The following NUFIP1 variants were observed in gnomAD, a reference collection of about 807,000 sequenced individuals.
NUFIP1 encodes nuclear FMR1 interacting protein 1, also known as FMR1-interacting protein NUFIP1.
A neutral mutation model predicts 56.2 loss-of-function variants in NUFIP1; 38 were observed. That is an observed-to-expected ratio of 0.68 (90% CI 0.52 to 0.89). The LOEUF (loss-of-function observed/expected upper bound fraction) is 0.89, where lower values mean the gene tolerates loss of function less well. Among genes scored for constraint, NUFIP1 ranks in the 40% least tolerant of loss-of-function variants. The pLI is 0.00. For synonymous variants in NUFIP1, 215 were observed against 212.4 expected (o/e 1.01, Z -0.10); for missense variants, 567 against 605.8 (o/e 0.94, Z 0.67).
chr13:44,971,122 T>C (rs1200528928), intron 5 of NUFIP1, among the ~76,000 whole-genome samples: 1 of 152,166 alleles, frequency 6.6e-6, no homozygotes, highest in Non-Finnish European at 1.5e-5. Flanking sequence ...CTCTTCAGAA[T>C]ATATTAAAGA....
At chr13:44,977,057 A>G (rs561820526) in intron 5 of NUFIP1, among the ~76,000 whole-genome samples, 1 of 145,948 alleles carries the variant, frequency 6.9e-6, no homozygotes, top group South Asian at 2.3e-4. Flanking sequence ...GACACATTTA[A>G]ACCACAGCAT....
Position 44,940,839 on chromosome 13 carries a change from T to C in NUFIP1, c.*367A>G, listed in dbSNP as rs1238943597. 1 of 157,160 alleles carries C rather than the reference T, an allele frequency of 6.4e-6. No homozygotes were observed. The highest frequency in any genetic ancestry group is 2.4e-5 in the African/African-American group (1 of 41,694). The allele number at this position is 157,160 out of a possible 1,614,324, so 9.7% of individuals were successfully genotyped here. A position where few individuals can be genotyped will look rare whatever the true frequency, so the allele number is the denominator to read the frequency against. ...AATGGCTGTATTTCTCTGCCCAACT[T>C]TGCTTAGCTGAATCAATCCTTTTAA... is the stretch of plus-strand genomic sequence containing the variant. On this transcript the variant is annotated 3_prime_UTR_variant, in exon 10 of 10. Transcript: ENST00000379161.
intron 8 of NUFIP1, among the ~76,000 whole-genome samples, chr13:44,946,662 C>T (rs1183390035): frequency 6.6e-6 from 1 of 152,088 alleles, no homozygotes; most frequent in East Asian, 1.9e-4. Flanking sequence ...GTTTAAGATT[C>T]CAAACACTTT....
Position 44,955,664 on chromosome 13 carries a change from C to G in NUFIP1, c.1021+3717G>C, listed in dbSNP as rs114214673. Among the ~76,000 whole-genome samples, 735 of 152,242 alleles carry G rather than the reference C, an allele frequency of 4.8e-3. 3 individuals carry two copies. The highest frequency in any genetic ancestry group is 0.017 in the African/African-American group (686 of 41,554). ...AGATTTTAAGGTTGGCTGGCTCTTG[C>G]CCAAGGTAAGAGAAGCTGCCTCCAA... On this transcript the variant is annotated intron_variant, in intron 7 of 9. Transcript: ENST00000379161.
At chr13:44,986,237 C>T (rs551983151) in intron 1 of NUFIP1, among the ~76,000 whole-genome samples, 4 of 152,160 alleles carry the variant, frequency 2.6e-5, no homozygotes, top group African/African-American at 9.6e-5. Context: ...ATTCAAGATA[C>T]CATTAAGAAC....
At chr13:44,948,654 GATT>G (rs1870973755) in intron 8 of NUFIP1, among the ~76,000 whole-genome samples, 1 of 152,094 alleles carries the variant, frequency 6.6e-6, no homozygotes, top group Admixed American at 6.5e-5. Flanking sequence ...ACATATGCTG[GATT>G]ATTGATATAA....
rs745717764 is a variant in NUFIP1, at chr13:44,989,264, C to A, written c.173G>T (p.Gly58Val). Residue 58 changes from glycine to valine, a missense_variant, in exon 1 of 10, where the codon GGG becomes GTG. Gly to Val is a moderately radical substitution (Grantham distance 109, BLOSUM62 -3). Coordinates refer to ENST00000379161, the MANE Select transcript of NUFIP1 (RefSeq NM_012345.3). ...PPLTSSLPAA[G>V]SKPSSESQPP... ...CTGCGACTCAGAGGAAGGCTTTGAC[C>A]CGGCTGCGGGAAGCGAGGACGTAAG... 2.5e-6 allele frequency: 4 copies of A among 1,613,394 alleles called. No individual in the cohort carries two copies. Among genetic ancestry groups the A allele is most frequent in the Non-Finnish European group, 3.4e-6 (4 of 1,179,806 alleles).
At chr13:44,986,550 G>A (rs1872401940) in intron 1 of NUFIP1, among the ~76,000 whole-genome samples, 1 of 152,042 alleles carries the variant, frequency 6.6e-6, no homozygotes, top group Admixed American at 6.6e-5. Context: ...AAATCAGCCG[G>A]GCGTGGTGGT....
intron 6 of NUFIP1, among the ~76,000 whole-genome samples, chr13:44,959,982 A>C (rs530416840): frequency 3.0e-4 from 44 of 148,682 alleles, no homozygotes; most frequent in Non-Finnish European, 6.2e-4. Context: ...CCCAGGCTGG[A>C]GTGCAGTAGC....
rs371806496 is a variant in NUFIP1, at chr13:44,941,271, G to C, written c.1423C>G (p.Arg475Gly). The C allele has an allele frequency of 6.2e-7, 1 of 1,611,482 alleles. No homozygotes were observed. The highest frequency in any genetic ancestry group is 8.5e-7 in the Non-Finnish European group (1 of 1,179,324). Residue 475 changes from arginine (R) to glycine (G), a missense_variant, in exon 10 of 10, where the codon CGG (arginine) becomes GGG (glycine). Physicochemically the swap from Arg to Gly is moderately radical, Grantham distance 125. Coordinates refer to ENST00000379161, the MANE Select transcript of NUFIP1 (RefSeq NM_012345.3). ...AAAAAGTCTTTTTTGATGATGTACC[G>C]AACACACTGCAAAATCACATTTCTT... ...HERNVILQCVRYIIKKDFFGL... is the reference protein window; with the variant it reads ...HERNVILQCVGYIIKKDFFGL...
intron 6 of NUFIP1, among the ~76,000 whole-genome samples, chr13:44,964,688 G>C (rs1446462390): frequency 4.6e-5 from 7 of 151,614 alleles, no homozygotes. Flanking sequence ...TGATTGGCAT[G>C]TATTTGTCAG....
At chr13:44,946,317 A>C (rs1163644185) in intron 8 of NUFIP1, among the ~76,000 whole-genome samples, 2 of 152,182 alleles carry the variant, frequency 1.3e-5, no homozygotes, top group Non-Finnish European at 2.9e-5. Context: ...TAGCTCATTC[A>C]GTTCTATCAA....
chr13:44,989,278 C>A lies in NUFIP1; in HGVS notation c.159G>T (p.Ser53=). ...LPPPPPPLTS[S]LPAAGSKPSS... is the part of the protein sequence containing the mutation. ...AAGGCTTTGACCCGGCTGCGGGAAG[C>A]GAGGACGTAAGTGGTGGTGGCGGTG... The change falls in exon 1 of 10, where the codon TCG becomes TCT. Residue 53 remains serine (S), a synonymous_variant. Coordinates refer to ENST00000379161, the MANE Select transcript of NUFIP1 (RefSeq NM_012345.3). 1 of 1,613,424 alleles carries A rather than the reference C, an allele frequency of 6.2e-7. No homozygotes were observed.
chr13:44,973,826 C>A (rs1434859998), intron 5 of NUFIP1, among the ~76,000 whole-genome samples: 1 of 152,124 alleles, frequency 6.6e-6, no homozygotes, highest in Admixed American at 6.6e-5. Context: ...CTAGAAGCAG[C>A]AGCACGAACA....
chr13:44,955,658 C>T (rs1043746176), intron 7 of NUFIP1, among the ~76,000 whole-genome samples: 4 of 152,154 alleles, frequency 2.6e-5, no homozygotes, highest in African/African-American at 9.7e-5. Context: ...GGTTGGCTGG[C>T]TCTTGCCCAA....
At chr13:44,948,998 T>C (rs1870988865) in intron 8 of NUFIP1, among the ~76,000 whole-genome samples, 2 of 152,106 alleles carry the variant, frequency 1.3e-5, no homozygotes, top group South Asian at 2.1e-4. Flanking sequence ...CAATGCCCTA[T>C]ATGCATTAAA....
Position 44,939,637 on chromosome 13 carries a change from T to A in NUFIP1, c.*1569A>T. On this transcript the variant is annotated 3_prime_UTR_variant, in exon 10 of 10. Coordinates refer to ENST00000379161, the MANE Select transcript of NUFIP1 (RefSeq NM_012345.3). Reference sequence around the variant, plus strand: ...TTAGAAATTTTAAATACACTTGGAATCTGAAATACCCATTAAAAATAAACA... The same window carrying A: ...TTAGAAATTTTAAATACACTTGGAAACTGAAATACCCATTAAAAATAAACA... The A allele has an allele frequency of 6.6e-6, 1 of 152,174 alleles. No individual in the cohort carries two copies. 9.4% of individuals were successfully genotyped at this position (152,174 alleles called of 1,614,324 possible). A position where few individuals can be genotyped will look rare whatever the true frequency, so the allele number is the denominator to read the frequency against.
chr13:44,988,691 A>G (rs1872529199), intron 1 of NUFIP1, among the ~76,000 whole-genome samples: 1 of 152,252 alleles, frequency 6.6e-6, no homozygotes, highest in Non-Finnish European at 1.5e-5. Flanking sequence ...TGGAATTAAC[A>G]GTCAACAGGA....
In NUFIP1 at chr13:44,989,143, G is replaced by A. The variant is rs376564498; in HGVS notation, c.294C>T (p.Pro98=). The part of the protein sequence containing the change: ...GAQPPFDAQS[P]LDSQPQPSGQ... ...CGCTGGGTTGAGGCTGAGAATCAAGGGGAGACTGGGCGTCGAAGGGGGGTT... is the reference window on the plus strand; with the variant it reads ...CGCTGGGTTGAGGCTGAGAATCAAGAGGAGACTGGGCGTCGAAGGGGGGTT... Residue 98 remains proline (P), a synonymous_variant, in exon 1 of 10, where the codon CCC becomes CCT. Coordinates refer to ENST00000379161, the MANE Select transcript of NUFIP1 (RefSeq NM_012345.3). 1.1e-5 allele frequency: 18 copies of A among 1,613,942 alleles called. No individual in the cohort carries two copies. Among genetic ancestry groups the A allele is most frequent in the African/African-American group, 6.7e-5 (5 of 74,924 alleles).
Sources: allele counts gnomAD v4.1 joint callset (sites outside exome capture counted in the v4.1 genomes callset), GRCh38; gene constraint gnomAD v4.1.1; transcripts MANE v1.5; gene names NCBI Gene and HGNC (gene_info 2026-07-23, HGNC 2026-07-21).